CFAP96: variants seen among roughly 807,000 people sequenced by gnomAD.
CFAP96 encodes the protein cilia-and flagella-associated protein 96.
chr4:185,413,641 A>G, the CFAP96 span: 1 of 1,279,584 alleles, frequency 7.8e-7, no homozygotes, highest in Admixed American at 2.5e-5. Flanking sequence ...TACATAATGA[A>G]TCAAGTCTCC....
At chr4:185,422,956 G>T in the CFAP96 span, among the ~76,000 whole-genome samples, 1 of 152,110 alleles carries the variant, frequency 6.6e-6, no homozygotes, top group Admixed American at 6.5e-5. Flanking sequence ...CCTCCTGGGT[G>T]TAAGAGATTC....
At chr4:185,431,398 T>C in the CFAP96 span, among the ~76,000 whole-genome samples, 2 of 152,220 alleles carry the variant, frequency 1.3e-5, no homozygotes, top group Non-Finnish European at 2.9e-5. Context: ...ATTACTGGGC[T>C]ACTAGTATTT....
chr4:185,437,366 A>T, the CFAP96 span, among the ~76,000 whole-genome samples: 4 of 152,272 alleles, frequency 2.6e-5, no homozygotes, highest in Non-Finnish European at 5.9e-5. Flanking sequence ...CCATATGAAC[A>T]TAATTTCACA....
the CFAP96 span, among the ~76,000 whole-genome samples, chr4:185,442,999 C>T: frequency 6.6e-6 from 1 of 151,834 alleles, no homozygotes; most frequent in Non-Finnish European, 1.5e-5. Context: ...ATGTATATGC[C>T]TTGTTCTATT....
the CFAP96 span, among the ~76,000 whole-genome samples, chr4:185,425,555 C>G: frequency 7.2e-5 from 11 of 152,210 alleles, no homozygotes; most frequent in African/African-American, 2.7e-4. Context: ...AAAGTTGCGC[C>G]TGTCCCAGGT....
chr4:185,445,310 C>T, the CFAP96 span: 11 of 710,024 alleles, frequency 1.5e-5, no homozygotes, highest in African/African-American at 3.6e-5. Flanking sequence ...AGTTCTCCCC[C>T]ATCTTCTGAA....
chr4:185,420,554 T>G, the CFAP96 span, among the ~76,000 whole-genome samples: 12 of 152,338 alleles, frequency 7.9e-5, no homozygotes, highest in Admixed American at 2.0e-4. Context: ...ATAAATACTT[T>G]GGAGCTATTG....
the CFAP96 span, chr4:185,418,909 G>T: frequency 3.1e-5 from 21 of 670,884 alleles, no homozygotes; most frequent in Non-Finnish European, 4.5e-5. Flanking sequence ...AAAATTTTTT[G>T]CCTATCTTTT....
the CFAP96 span, chr4:185,449,525 A>G: frequency 9.4e-7 from 1 of 1,064,438 alleles, no homozygotes; most frequent in South Asian, 1.5e-5. Flanking sequence ...CCGGTCTTAA[A>G]AAAAAAAAAG....
the CFAP96 span, chr4:185,408,441 T>C: frequency 6.2e-7 from 1 of 1,612,030 alleles, no homozygotes; most frequent in Non-Finnish European, 8.5e-7. Context: ...TAAATCTATA[T>C]ACAGAGAAGA....
the CFAP96 span, among the ~76,000 whole-genome samples, chr4:185,417,921 G>A: frequency 6.6e-6 from 1 of 152,072 alleles, no homozygotes; most frequent in Non-Finnish European, 1.5e-5. Context: ...GCAGGTGCCT[G>A]TAATCCCAGC....
chr4:185,429,075 G>A, the CFAP96 span, among the ~76,000 whole-genome samples: 1,083 of 152,338 alleles, frequency 7.1e-3, 4 homozygotes, highest in Non-Finnish European at 0.01. Flanking sequence ...AAATGGCAGT[G>A]TAATCGATGA....
chr4:185,415,873 T>C, the CFAP96 span: 470 of 1,605,948 alleles, frequency 2.9e-4, 1 homozygote, highest in African/African-American at 2.9e-3. Context: ...TGATGCTATA[T>C]AGATAAACAG....
the CFAP96 span, chr4:185,418,337 T>A: frequency 4.7e-6 from 4 of 854,528 alleles, no homozygotes; most frequent in South Asian, 7.6e-5. Flanking sequence ...ACATCAATAT[T>A]CTGACCTATG....
chr4:185,409,032 G>A, the CFAP96 span, among the ~76,000 whole-genome samples: 8 of 152,106 alleles, frequency 5.3e-5, no homozygotes, highest in Non-Finnish European at 1.2e-4. Flanking sequence ...AGCTCAGTGA[G>A]TACATACACT....
the CFAP96 span, among the ~76,000 whole-genome samples, chr4:185,427,508 C>T: frequency 6.6e-6 from 1 of 152,088 alleles, no homozygotes; most frequent in East Asian, 1.9e-4. Context: ...GCCTGAAATC[C>T]CAGCACTTTA....
chr4:185,420,239 G>C, the CFAP96 span, among the ~76,000 whole-genome samples: 2 of 151,616 alleles, frequency 1.3e-5, no homozygotes, highest in Non-Finnish European at 2.9e-5. Flanking sequence ...GTTTGTTTTT[G>C]TTTTCAAGGA....
At chr4:185,443,340 A>ATTT in the CFAP96 span, among the ~76,000 whole-genome samples, 33 of 28,470 alleles carry the variant, frequency 1.2e-3, no homozygotes, top group African/African-American at 3.3e-3. Flanking sequence ...ATATATATAT[A>ATTT]TATTTTTTTT....
chr4:185,433,531 A>AT, the CFAP96 span, among the ~76,000 whole-genome samples: 34,680 of 152,088 alleles, frequency 0.23, 4,758 homozygotes, highest in African/African-American at 0.38. Flanking sequence ...TGATACTAGT[A>AT]AAACTACTTT....
Sources: allele counts gnomAD v4.1 joint callset (sites outside exome capture counted in the v4.1 genomes callset), GRCh38; gene constraint gnomAD v4.1.1; transcripts MANE v1.5; gene names NCBI Gene and HGNC (gene_info 2026-07-23, HGNC 2026-07-21).